The following GJC3 variants were observed in gnomAD, a reference collection of about 807,000 sequenced individuals.
The protein encoded by GJC3 is gap junction protein gamma 3, also known as gap junction gamma-3 protein.
In GJC3, 17 loss-of-function variants were observed where a neutral mutation model predicts 19.8. The observed-to-expected ratio is 0.86, with a 90% CI of 0.59 to 1.29. GJC3 has a LOEUF of 1.29. Ranked by LOEUF, GJC3 falls within the 50% of genes most tolerant of loss-of-function variation. The pLI is 0.00. For synonymous variants in GJC3, 140 were observed against 136.5 expected, an observed-to-expected ratio of 1.03 and a Z score of -0.18; for missense variants, 317 against 332.5, an observed-to-expected ratio of 0.95 and a Z score of 0.36.
At chr7:99,926,869 C>T (rs1300223655) in intron 1 of GJC3, among the ~76,000 whole-genome samples, 6 of 152,090 alleles carry the variant, frequency 3.9e-5, no homozygotes, top group African/African-American at 1.4e-4. Flanking sequence ...GACAAAACTC[C>T]TAGCAAAGCA....
chr7:99,926,555 G>T (rs1819803667), intron 1 of GJC3, among the ~76,000 whole-genome samples: 1 of 152,166 alleles, frequency 6.6e-6, no homozygotes, highest in African/African-American at 2.4e-5. Context: ...CTCAAGTTAT[G>T]CTCAGTGAAA....
At chr7:99,929,819 A>G (rs1819871207), upstream of GJC3, 1 of 620,108 alleles carries the variant, frequency 1.6e-6, no homozygotes, top group African/African-American at 1.8e-5. Flanking sequence ...TAAAATAATA[A>G]CAGTGAGTGT....
intron 1 of GJC3, among the ~76,000 whole-genome samples, chr7:99,924,122 G>A (rs200379913): frequency 2.6e-5 from 4 of 152,168 alleles, no homozygotes; most frequent in East Asian, 1.9e-4. Context: ...TACAAAAACC[G>A]TCATCACATC....
intron 1 of GJC3, among the ~76,000 whole-genome samples, chr7:99,923,956 G>A (rs149744576): frequency 1.3e-5 from 2 of 152,138 alleles, no homozygotes; most frequent in Admixed American, 6.5e-5. Context: ...CTCAACTCAC[G>A]TTGGGAAAAA....
chr7:99,929,715 G>A, upstream of GJC3: 2 of 1,228,952 alleles, frequency 1.6e-6, no homozygotes, highest in African/African-American at 1.5e-5. Flanking sequence ...AAGGATCACT[G>A]AAGGCAAGCT....
At chr7:99,927,166 G>T (rs1268200353) in intron 1 of GJC3, among the ~76,000 whole-genome samples, 1 of 152,250 alleles carries the variant, frequency 6.6e-6, no homozygotes, top group African/African-American at 2.4e-5. Flanking sequence ...AAAGGTGGGG[G>T]TGTTGCAAAG....
Position 99,928,779 on chromosome 7 carries a change from C to T in GJC3, c.781+61G>A, listed in dbSNP as rs554006428. On this transcript the variant is annotated intron_variant, in intron 1 of 1. Coordinates refer to ENST00000312891, the MANE Select transcript of GJC3 (RefSeq NM_181538.3). ...CTTCCCAGAAAGGTGAGGGACCTGCCCCGGGAGGAGATCATCAGGACACAA... is the reference window on the plus strand; with the variant it reads ...CTTCCCAGAAAGGTGAGGGACCTGCTCCGGGAGGAGATCATCAGGACACAA... 2.0e-6 allele frequency: 3 copies of T among 1,521,484 alleles called. No individual in the cohort carries two copies. The South Asian group carries it at 3.4e-5, about 17-fold the overall frequency. The allele number at this position is 1,521,484 out of a possible 1,614,324, so 94.2% of individuals were successfully genotyped here.
At chr7:99,928,789 G>A in intron 1 of GJC3, 51 bp downstream of exon 1, 1 of 1,560,026 alleles carries the variant, frequency 6.4e-7, no homozygotes, top group Non-Finnish European at 8.8e-7. Context: ...CCCGGGAGGA[G>A]ATCATCAGGA....
rs537252126 is a variant in GJC3 at position 99,923,849 on chromosome 7, C to T, written c.782-246G>A. ...CCTTTAAAACATAAATATCAACATC[C>T]TCCACCAAATTTAACCAAGACCCAG... is the stretch of plus-strand genomic sequence containing the variant. On this transcript the variant is annotated intron_variant, in intron 1 of 1. Transcript: ENST00000312891. 2.0e-5 allele frequency among the ~76,000 whole-genome samples: 3 copies of T among 152,282 alleles called. No individual in the cohort carries two copies. In the East Asian group the frequency reaches 5.8e-4, roughly 29 times the overall value.
intron 1 of GJC3, among the ~76,000 whole-genome samples, chr7:99,928,601 C>T (rs551664619): frequency 2.0e-5 from 3 of 152,292 alleles, no homozygotes; most frequent in East Asian, 1.9e-4. Flanking sequence ...GCACTCTTGT[C>T]CTTGTTCGCT....
In GJC3 at chr7:99,928,955, C is replaced by G; in HGVS notation, c.666G>C (p.Trp222Cys). The part of the protein sequence containing the change: ...LLGLGRWWRT[W>C]KHKSSSSKYF... ...ATTTAGAAGAGGAAGATTTGTGCTT[C>G]CAGGTCCTCCACCATCTCCCCAAAC... The change falls in exon 1 of 2, where the codon TGG (tryptophan) becomes TGC (cysteine). Residue 222 changes from tryptophan to cysteine, a missense_variant. By Grantham distance (215) the Trp-to-Cys change is radical (BLOSUM62 -2). Coordinates refer to ENST00000312891, the MANE Select transcript of GJC3 (RefSeq NM_181538.3). The G allele has an allele frequency of 1.2e-6, 2 of 1,614,166 alleles. No individual in the cohort carries two copies. The highest frequency in any genetic ancestry group is 1.7e-6 in the Non-Finnish European group (2 of 1,180,022).
chr7:99,928,710 T>G, intron 1 of GJC3, 130 bp downstream of exon 1: 1 of 823,774 alleles, frequency 1.2e-6, no homozygotes, highest in South Asian at 1.4e-5. Flanking sequence ...AGAACACATC[T>G]GCCTAGAACC....
At chr7:99,924,419 C>G (rs1488218529) in intron 1 of GJC3, among the ~76,000 whole-genome samples, 1 of 152,170 alleles carries the variant, frequency 6.6e-6, no homozygotes, top group Non-Finnish European at 1.5e-5. Flanking sequence ...GAAACCCCGT[C>G]TCTGCTAAAA....
rs1453250324 is a variant in GJC3, at chr7:99,929,466, A to G, written c.155T>C (p.Val52Ala). 1 of 1,613,464 alleles carries G rather than the reference A, an allele frequency of 6.2e-7. No homozygotes were observed. Among genetic ancestry groups the G allele is most frequent in the Non-Finnish European group, 8.5e-7 (1 of 1,179,590 alleles). Residue 52 changes from valine to alanine, a missense_variant, in exon 1 of 2, where the codon GTG becomes GCG. Transcript: ENST00000312891. ...GCAGCCCGGCTGCTGGGTGTGACAC[A>G]CGAATTCACTCTGCTCATCACCATA... is the stretch of plus-strand genomic sequence containing the variant. ...GVYGDEQSEFVCHTQQPGCKA... is the reference protein window; with the variant it reads ...GVYGDEQSEFACHTQQPGCKA...
At position 99,929,155 on chromosome 7, in the gene GJC3, A is replaced by G. The variant is rs1391324848; in HGVS notation, c.466T>C (p.Tyr156His). The G allele has an allele frequency of 6.2e-7, 1 of 1,613,820 alleles. No individual in the cohort carries two copies. Among genetic ancestry groups the G allele is most frequent in the Admixed American group, 1.7e-5 (1 of 59,998 alleles). The change falls in exon 1 of 2, where the codon TAC (tyrosine) becomes CAC (histidine). Residue 156 changes from tyrosine (Y) to histidine (H), a missense_variant. Physicochemically the swap from Tyr to His is moderately conservative, Grantham distance 83. Coordinates refer to ENST00000312891, the MANE Select transcript of GJC3 (RefSeq NM_181538.3). ...GGCATCTGGAACCCATACAGGTGGT[A>G]CTGCAACCCCAGGGCTGCCCCCTCC... is the stretch of plus-strand genomic sequence containing the variant. ...VLEGAALGLQ[Y>H]HLYGFQMPSS...
intron 1 of GJC3, among the ~76,000 whole-genome samples, chr7:99,925,537 T>G (rs1406211621): frequency 2.6e-5 from 4 of 152,180 alleles, no homozygotes; most frequent in African/African-American, 9.6e-5. Flanking sequence ...AAAAATTGGA[T>G]GTTAGACTTC....
At chr7:99,924,730 C>T (rs1364480317) in intron 1 of GJC3, among the ~76,000 whole-genome samples, 1 of 151,836 alleles carries the variant, frequency 6.6e-6, no homozygotes, top group Non-Finnish European at 1.5e-5. Context: ...GGGTATAATC[C>T]AATACTATGT....
upstream of GJC3, among the ~76,000 whole-genome samples, chr7:99,930,113 G>A (rs1027108477): frequency 2.0e-5 from 3 of 152,150 alleles, no homozygotes; most frequent in African/African-American, 7.2e-5. Flanking sequence ...ATTCTCTTGC[G>A]GTCTTCTTTT....
chr7:99,923,951 C>T (rs951212753), intron 1 of GJC3, among the ~76,000 whole-genome samples: 2 of 152,234 alleles, frequency 1.3e-5, no homozygotes, highest in Admixed American at 6.5e-5. Flanking sequence ...AAAATCTCAA[C>T]TCACGTTGGG....
Sources: gnomAD v4.1 joint callset for allele counts (sites outside exome capture counted in the v4.1 genomes callset) on GRCh38, gnomAD v4.1.1 for gene constraint, MANE v1.5 for transcripts, NCBI Gene and HGNC (gene_info 2026-07-23, HGNC 2026-07-21) for gene names.